Variants in SIM1 observed in about 807,000 individuals in gnomAD.
SIM1 encodes the protein SIM bHLH transcription factor 1.
Under a neutral mutation model 78.2 loss-of-function variants are expected in SIM1, and 18 were observed. The observed-to-expected ratio is 0.23, with a 90% CI of 0.16 to 0.34. The LOEUF is 0.34. Ranked by LOEUF, SIM1 falls within the 10% of genes least tolerant of loss-of-function variation. SIM1 has a pLI of 1.00. For missense variants in SIM1, 939 were observed against 975.1 expected, an observed-to-expected ratio of 0.96 and a Z score of 0.49; for synonymous variants, 417 against 385.2, an observed-to-expected ratio of 1.08 and a Z score of -0.97.
At chr6:100,460,941 G>A (rs1485962959) in intron 2 of SIM1, among the ~76,000 whole-genome samples, 1 of 152,162 alleles carries the variant, frequency 6.6e-6, no homozygotes. Context: ...CTCACTGGGT[G>A]GAGGCTGAGG....
At chr6:100,396,871 G>C (rs1161724670) in intron 10 of SIM1, among the ~76,000 whole-genome samples, 1 of 152,220 alleles carries the variant, frequency 6.6e-6, no homozygotes, top group Non-Finnish European at 1.5e-5. Context: ...TATGTAGTGT[G>C]TGCGGTGCAA....
intron 9 of SIM1, among the ~76,000 whole-genome samples, chr6:100,421,932 G>T (rs1771599071): frequency 6.6e-6 from 1 of 152,092 alleles, no homozygotes; most frequent in Non-Finnish European, 1.5e-5. Context: ...CTCGGTAATT[G>T]ATTTATTTTG....
At chr6:100,398,289 AATTTACTATT>A (rs1770816340) in intron 10 of SIM1, among the ~76,000 whole-genome samples, 2 of 152,222 alleles carry the variant, frequency 1.3e-5, no homozygotes, top group South Asian at 4.1e-4. Flanking sequence ...AGTAACATAA[AATTTACTATT>A]ATCCAGTTTT....
Position 100,393,937 on chromosome 6 carries a change from A to G in SIM1, c.1168-48T>C, listed in dbSNP as rs184348442. On this transcript the variant is annotated intron_variant, in intron 10 of 11. Transcript: ENST00000369208. ...AGTCCATTTCAAAAATCAATCGATC[A>G]GTAAGAGAAAACAAACAAACAAAAA... is the stretch of plus-strand genomic sequence containing the variant. 1,697 of 1,505,862 alleles carry G rather than the reference A, an allele frequency of 1.1e-3. 13 individuals carry two copies. Among genetic ancestry groups the G allele is most frequent in the Non-Finnish European group, 4.5e-4 (508 of 1,125,174 alleles). 93.3% of individuals were successfully genotyped at this position (1,505,862 alleles called of 1,614,324 possible).
intron 10 of SIM1, among the ~76,000 whole-genome samples, chr6:100,412,701 A>AAGAAAG (rs1378286305): frequency 1.6e-5 from 2 of 126,018 alleles, no homozygotes; most frequent in Non-Finnish European, 3.3e-5. Context: ...GAAAGAAAGA[A>AAGAAAG]AGAAAGAAAG....
intron 9 of SIM1, among the ~76,000 whole-genome samples, chr6:100,443,609 G>T (rs559339431): frequency 6.6e-6 from 1 of 152,078 alleles, no homozygotes; most frequent in African/African-American, 2.4e-5. Context: ...ACGAACATTA[G>T]TGGCAGATTG....
At chr6:100,447,054 A>C (rs1286690053) in intron 9 of SIM1, among the ~76,000 whole-genome samples, 1 of 151,962 alleles carries the variant, frequency 6.6e-6, no homozygotes, top group Non-Finnish European at 1.5e-5. Context: ...TGATGGAAAA[A>C]CTCCTAAATC....
At chr6:100,438,075 C>T (rs1338361423) in intron 9 of SIM1, among the ~76,000 whole-genome samples, 1 of 151,822 alleles carries the variant, frequency 6.6e-6, no homozygotes, top group Non-Finnish European at 1.5e-5. Flanking sequence ...TGGCTATGAC[C>T]CCAAAAGCAA....
chr6:100,420,872 G>C lies in SIM1; in HGVS notation c.1085C>G (p.Pro362Arg). 1 of 1,614,052 alleles carries C rather than the reference G, an allele frequency of 6.2e-7. No homozygotes were observed. Among genetic ancestry groups the C allele is most frequent in the African/African-American group, 1.3e-5 (1 of 75,030 alleles). Reference protein sequence around the residue: ...PAFSYTSSSTPTMTDNRKGAK... With the variant: ...PAFSYTSSSTRTMTDNRKGAK... ...CCCCTTTCTGTTGTCAGTCATGGTG[G>C]GGGTGGAGCTGCTGGTATAGGAGAA... Residue 362 changes from proline to arginine, a missense_variant, in exon 10 of 12, where the codon CCC becomes CGC. By Grantham distance (103) the Pro-to-Arg change is moderately radical. This residue lies in a region of SIM1 where 556 missense variants were observed against 521.9 expected (regional missense o/e 1.07). Coordinates refer to ENST00000369208, the MANE Select transcript of SIM1 (RefSeq NM_005068.3).
chr6:100,463,107 G>C (rs1334973140), intron 2 of SIM1, 187 bp downstream of exon 2: 3 of 534,602 alleles, frequency 5.6e-6, no homozygotes, highest in Non-Finnish European at 3.3e-6. Flanking sequence ...GGTAGAGGGA[G>C]CCTCAAAAAA....
At chr6:100,411,517 A>G (rs1771190526) in intron 10 of SIM1, among the ~76,000 whole-genome samples, 1 of 152,190 alleles carries the variant, frequency 6.6e-6, no homozygotes, top group African/African-American at 2.4e-5. Flanking sequence ...GACGTTATAC[A>G]TTTCTTAGCA....
intron 9 of SIM1, among the ~76,000 whole-genome samples, chr6:100,428,745 T>C (rs1160594073): frequency 6.6e-6 from 1 of 152,026 alleles, no homozygotes; most frequent in East Asian, 1.9e-4. Context: ...TATGCCTACA[T>C]TATAGGAAAT....
chr6:100,391,943 T>G (rs2114460085), intron 11 of SIM1, among the ~76,000 whole-genome samples: 1 of 152,160 alleles, frequency 6.6e-6, no homozygotes, highest in African/African-American at 2.4e-5. Flanking sequence ...GAGGCCCAGG[T>G]GGATGGATTA....
rs1248154974 is a variant in SIM1 at position 100,412,645 on chromosome 6, GAA to G, written c.1167+8143_1167+8144del. 8.7e-4 allele frequency among the ~76,000 whole-genome samples: 85 copies of G among 98,014 alleles called. 1 individual carries two copies. The highest frequency in any genetic ancestry group is 3.2e-3 in the African/African-American group (80 of 24,898). 64.3% of individuals were successfully genotyped at this position (98,014 alleles called of 152,430 possible). On this transcript the variant is annotated intron_variant, in intron 10 of 11. Transcript: ENST00000369208. Reference sequence around the variant, plus strand: ...GAAGGAAAGAAAGAAAGAAAAGAAAGAAAGAAAGAAAGAGAGAGAGAGAGAGA... The same window carrying G: ...GAAGGAAAGAAAGAAAGAAAAGAAAGAGAAAGAAAGAGAGAGAGAGAGAGA...
At position 100,448,695 on chromosome 6, in the gene SIM1, G is replaced by T; in HGVS notation, c.544-17C>A. 2 of 1,602,084 alleles carry T rather than the reference G, an allele frequency of 1.2e-6. No homozygotes were observed. The highest frequency in any genetic ancestry group is 2.2e-5 in the South Asian group (2 of 90,822). On this transcript the variant is annotated splice_polypyrimidine_tract_variant and intron_variant, in intron 6 of 11. Transcript: ENST00000369208. Reference sequence around the variant, plus strand: ...GTGGATGACCTGAGGCAGAGGGATAGGGAGGGAGACTCAGCCACAGGTAGG... The same window carrying T: ...GTGGATGACCTGAGGCAGAGGGATATGGAGGGAGACTCAGCCACAGGTAGG...
chr6:100,441,043 G>T (rs562637990), intron 9 of SIM1, among the ~76,000 whole-genome samples: 1 of 152,304 alleles, frequency 6.6e-6, no homozygotes, highest in Middle Eastern at 3.4e-3. Context: ...TTTCTACAAT[G>T]TGAGTCAAAG....
intron 9 of SIM1, among the ~76,000 whole-genome samples, chr6:100,438,537 A>G (rs748658272): frequency 1.3e-5 from 2 of 152,240 alleles, no homozygotes; most frequent in Non-Finnish European, 2.9e-5. Flanking sequence ...TACAATCACT[A>G]TAGAAAACAG....
intron 10 of SIM1, among the ~76,000 whole-genome samples, chr6:100,403,614 A>G (rs1183065802): frequency 6.6e-6 from 1 of 152,244 alleles, no homozygotes; most frequent in Admixed American, 6.5e-5. Context: ...ACCTGAATAG[A>G]GGGAAAAACA....
At chr6:100,413,306 A>G (rs1238276435) in intron 10 of SIM1, among the ~76,000 whole-genome samples, 1 of 151,736 alleles carries the variant, frequency 6.6e-6, no homozygotes, top group Non-Finnish European at 1.5e-5. Context: ...TCATGCACTC[A>G]CTCAATATCT....
Sources: allele counts gnomAD v4.1 joint callset (sites outside exome capture counted in the v4.1 genomes callset), GRCh38; gene constraint gnomAD v4.1.1; regional missense constraint gnomAD v4.1.1; transcripts MANE v1.5; gene names NCBI Gene and HGNC (gene_info 2026-07-23, HGNC 2026-07-21).